The following KDM2B variants were observed in gnomAD, a reference collection of about 807,000 sequenced individuals.
The protein encoded by KDM2B is lysine-specific demethylase 2B.
Under a neutral mutation model 150.0 loss-of-function variants are expected in KDM2B, and 26 were observed. The ratio of observed to expected loss-of-function variants is 0.17; its 90% CI spans 0.13 to 0.24. The LOEUF (loss-of-function observed/expected upper bound fraction) is 0.24, where lower values mean the gene tolerates loss of function less well. Among genes scored for constraint, KDM2B ranks in the 10% least tolerant of loss-of-function variants. The pLI is 1.00. For synonymous variants in KDM2B, 734 were observed against 729.5 expected, an observed-to-expected ratio of 1.01 and a Z score of -0.10; for missense variants, 1,265 against 1,816.9, an observed-to-expected ratio of 0.70 and a Z score of 5.52.
chr12:121,498,179 C>T (rs1884170300), intron 11 of KDM2B, among the ~76,000 whole-genome samples: 1 of 152,156 alleles, frequency 6.6e-6, no homozygotes, highest in Admixed American at 6.6e-5. Context: ...CAGAAATACA[C>T]TCAGGTTTAG....
At chr12:121,563,614 A>C (rs1351437645) in intron 4 of KDM2B, among the ~76,000 whole-genome samples, 1 of 150,194 alleles carries the variant, frequency 6.7e-6, no homozygotes, top group Non-Finnish European at 1.5e-5. Context: ...CAAAAAAAAA[A>C]GTCAAAACAA....
At chr12:121,529,224 A>T (rs535748884) in intron 8 of KDM2B, among the ~76,000 whole-genome samples, 7 of 152,346 alleles carry the variant, frequency 4.6e-5, no homozygotes, top group African/African-American at 7.2e-5. Flanking sequence ...ATTAAAAATT[A>T]AAAAATCACA....
intron 22 of KDM2B, among the ~76,000 whole-genome samples, chr12:121,438,483 C>T (rs557538987): frequency 5.3e-5 from 8 of 152,228 alleles, no homozygotes; most frequent in Non-Finnish European, 8.8e-5. Flanking sequence ...TAGAGTAAGA[C>T]GACTCCCAGG....
chr12:121,438,847 C>G (rs534899487), intron 22 of KDM2B, among the ~76,000 whole-genome samples: 19 of 151,682 alleles, frequency 1.3e-4, no homozygotes, highest in Non-Finnish European at 2.2e-4. Context: ...AAAAAAAAAC[C>G]TGTAGTTTCT....
In KDM2B at chr12:121,578,948, T is replaced by C. The variant is rs1891721718; in HGVS notation, c.127-2A>G. On this transcript the variant is annotated splice_acceptor_variant, in intron 1 of 22. Transcript: ENST00000377071. LOFTEE classifies it high-confidence loss of function. ...GTATCGCTGGCGGTCAATCGGGCGC[T>C]GCGAGGACCCAAACCAGAGAGCCCG... The C allele has an allele frequency of 6.2e-7, 1 of 1,611,314 alleles. No homozygotes were observed. The highest frequency in any genetic ancestry group is 1.7e-5 in the Admixed American group (1 of 59,888).
At chr12:121,459,967 C>T (rs1878865544) in intron 12 of KDM2B, among the ~76,000 whole-genome samples, 1 of 152,028 alleles carries the variant, frequency 6.6e-6, no homozygotes, top group Non-Finnish European at 1.5e-5. Context: ...TCCGACAACT[C>T]AATAATAAAG....
At chr12:121,480,097 T>C (rs1412317227) in intron 12 of KDM2B, among the ~76,000 whole-genome samples, 1 of 151,754 alleles carries the variant, frequency 6.6e-6, no homozygotes, top group Non-Finnish European at 1.5e-5. Flanking sequence ...GATGACATTA[T>C]TGATACAGGA....
chr12:121,546,408 A>T (rs1291053745), intron 6 of KDM2B, among the ~76,000 whole-genome samples: 3 of 95,776 alleles, frequency 3.1e-5, no homozygotes, highest in East Asian at 3.7e-4. Context: ...TTTGAGACGG[A>T]GTCTCGCTCT....
At position 121,442,212 on chromosome 12, in the gene KDM2B, G is replaced by A. The variant is rs942856158; in HGVS notation, c.3229C>T (p.Leu1077Phe). Reference protein sequence around the residue: ...REVWMAVFSYLSHQDLCVCMR... With the variant: ...REVWMAVFSYFSHQDLCVCMR... ...CACACACACAGGTCTTGGTGGCTGA[G>A]GTAGCTGAAGACGGCCATCCACACC... The change falls in exon 19 of 23, where the codon CTC becomes TTC. Residue 1077 changes from leucine (L) to phenylalanine (F), a missense_variant. Transcript: ENST00000377071. The surrounding 1 kb of genome is among the most constrained non-coding windows in gnomAD (Gnocchi z 7.7). The A allele has an allele frequency of 2.5e-6, 4 of 1,613,504 alleles. No individual in the cohort carries two copies. The highest frequency in any genetic ancestry group is 3.3e-5 in the Admixed American group (2 of 60,028).
intron 8 of KDM2B, among the ~76,000 whole-genome samples, chr12:121,523,726 C>G (rs1211744718): frequency 6.6e-6 from 1 of 152,240 alleles, no homozygotes; most frequent in African/African-American, 2.4e-5. Context: ...AGGGAAAGCT[C>G]ATCACCAGAA....
chr12:121,546,567 T>G (rs376124018), intron 6 of KDM2B, among the ~76,000 whole-genome samples: 2 of 150,878 alleles, frequency 1.3e-5, no homozygotes, highest in African/African-American at 4.9e-5. Flanking sequence ...TTGGTTTTTT[T>G]TTTTTGTTTG....
In KDM2B at chr12:121,467,031, G is replaced by T; in HGVS notation, c.1735-13687C>A. Reference sequence around the variant, plus strand: ...GGGCCCGGCCCCGGCCGCCCCGCCGGCAGCGGCAGCAAAACTTTCTCCTCA... The same window carrying T: ...GGGCCCGGCCCCGGCCGCCCCGCCGTCAGCGGCAGCAAAACTTTCTCCTCA... On this transcript the variant is annotated intron_variant, in intron 12 of 22. Coordinates refer to ENST00000377071, the MANE Select transcript of KDM2B (RefSeq NM_032590.5). The surrounding 1 kb of genome is among the most constrained non-coding windows in gnomAD (Gnocchi z 5.1). 2.6e-6 allele frequency: 1 copy of T among 383,704 alleles called. No individual in the cohort carries two copies. The highest frequency in any genetic ancestry group is 3.6e-6 in the Non-Finnish European group (1 of 274,184). The allele number at this position is 383,704 out of a possible 1,614,324, so 23.8% of individuals were successfully genotyped here. A position where few individuals can be genotyped will look rare whatever the true frequency, so the allele number is the denominator to read the frequency against.
chr12:121,440,392 T>G, intron 21 of KDM2B: 1 of 446,768 alleles, frequency 2.2e-6, no homozygotes, highest in African/African-American at 2.0e-5. Context: ...AGCACGGACC[T>G]AGGCAGTCCA....
chr12:121,423,938 G>A, the KDM2B span: 2 of 187,386 alleles, frequency 1.1e-5, no homozygotes, highest in Non-Finnish European at 1.1e-5. This position sits in a 1 kb window ranked among gnomAD's most constrained non-coding sequence, Gnocchi z 4.3. Context: ...CTGCTCAGAT[G>A]TTTGAAACTT....
At chr12:121,461,801 G>A (rs1555293815) in intron 12 of KDM2B, among the ~76,000 whole-genome samples, 2 of 152,164 alleles carry the variant, frequency 1.3e-5, no homozygotes, top group South Asian at 2.1e-4. Context: ...AGTTAAGTCC[G>A]TGAGGATGTC....
At chr12:121,415,840 CTTT>C in the KDM2B span, among the ~76,000 whole-genome samples, 23 of 108,062 alleles carry the variant, frequency 2.1e-4, no homozygotes, top group Admixed American at 3.1e-4. Flanking sequence ...TTTGTCCAGT[CTTT>C]TTTTTTTTTT....
At chr12:121,554,827 T>A (rs1409507405) in intron 4 of KDM2B, among the ~76,000 whole-genome samples, 2 of 152,160 alleles carry the variant, frequency 1.3e-5, no homozygotes, top group Non-Finnish European at 2.9e-5. Flanking sequence ...TTAGTCCAAA[T>A]GTGGACCAGA....
intron 12 of KDM2B, among the ~76,000 whole-genome samples, chr12:121,480,583 CAAAAAAAAAAAA>C (rs35490517): frequency 3.2e-5 from 2 of 63,238 alleles, no homozygotes; most frequent in Non-Finnish European, 6.0e-5. Context: ...CTGTCGCTAC[CAAAAAAAAAAAA>C]AAAAAAAAAA....
chr12:121,566,537 G>A (rs1035684806), intron 4 of KDM2B, among the ~76,000 whole-genome samples: 20 of 152,272 alleles, frequency 1.3e-4, no homozygotes, highest in African/African-American at 4.1e-4. Flanking sequence ...CAGGAGAATC[G>A]CTTGAACGGG....
Sources: gnomAD v4.1 joint callset for allele counts (sites outside exome capture counted in the v4.1 genomes callset) on GRCh38, gnomAD v4.1.1 for gene constraint, Gnocchi (gnomAD v3.1) non-coding constraint, MANE v1.5 for transcripts, NCBI Gene and HGNC (gene_info 2026-07-23, HGNC 2026-07-21) for gene names.